Variants in HERC4 observed in about 807,000 individuals in gnomAD.
The protein encoded by HERC4 is HECT and RLD domain containing E3 ubiquitin protein ligase 4.
A neutral mutation model predicts 124.3 loss-of-function variants in HERC4; 28 were observed. That is an observed-to-expected ratio of 0.23 (90% CI 0.17 to 0.31). The LOEUF (loss-of-function observed/expected upper bound fraction) is 0.31. Ranked by LOEUF, HERC4 falls within the 10% of genes least tolerant of loss-of-function variation. The pLI, the probability that HERC4 is intolerant of heterozygous loss-of-function variation, is 1.00. For synonymous variants in HERC4, 407 were observed against 421.5 expected, an observed-to-expected ratio of 0.97 and a Z score of 0.42; for missense variants, 713 against 1,229.3, an observed-to-expected ratio of 0.58 and a Z score of 6.28.
At chr10:67,953,753 A>T (rs1157627839) in intron 19 of HERC4, among the ~76,000 whole-genome samples, 1 of 152,224 alleles carries the variant, frequency 6.6e-6, no homozygotes, top group Non-Finnish European at 1.5e-5. Context: ...ATCCTTTCCT[A>T]TGAATTGCAC....
At chr10:68,066,798 G>A (rs1162353060) in intron 3 of HERC4, among the ~76,000 whole-genome samples, 2 of 152,110 alleles carry the variant, frequency 1.3e-5, no homozygotes, top group African/African-American at 2.4e-5. Flanking sequence ...GTTTCTGTTC[G>A]TTTGTTCAAA....
chr10:68,033,851 C>T lies in HERC4; in HGVS notation c.685+114G>A, dbSNP rs1035759315. ...GGAATTTTTAAATAACATCTCATCC[C>T]CACCTCTATACCAGGGAAGATACAT... is the stretch of plus-strand genomic sequence containing the variant. On this transcript the variant is annotated intron_variant, in intron 6 of 24. Transcript: ENST00000373700. The T allele has an allele frequency of 2.5e-5, 20 of 786,824 alleles. No homozygotes were observed. In the African/African-American group the frequency reaches 2.6e-4, roughly 10 times the overall value. 48.7% of individuals were successfully genotyped at this position (786,824 alleles called of 1,614,324 possible). A position where few individuals can be genotyped will look rare whatever the true frequency, so the allele number is the denominator to read the frequency against.
chr10:67,960,686 A>G, intron 16 of HERC4: 1 of 163,790 alleles, frequency 6.1e-6, no homozygotes, highest in Non-Finnish European at 1.3e-5. Context: ...CCCAGCCAAA[A>G]GCGTAAATTT....
intron 24 of HERC4, 100 bp downstream of exon 24, chr10:67,924,985 T>C: frequency 1.5e-6 from 1 of 657,438 alleles, no homozygotes; most frequent in Non-Finnish European, 2.6e-6. Context: ...CAGATAGTTC[T>C]GTTTCAAAAA....
intron 15 of HERC4, among the ~76,000 whole-genome samples, chr10:67,979,489 T>C (rs926419743): frequency 1.3e-5 from 2 of 151,994 alleles, no homozygotes; most frequent in South Asian, 2.1e-4. Flanking sequence ...AAATCTAAGT[T>C]ACTGGCCTTA....
intron 13 of HERC4, 127 bp from the exon 14 acceptor site, chr10:67,990,527 T>C (rs531425239): frequency 1.9e-6 from 1 of 521,296 alleles, no homozygotes; most frequent in South Asian, 3.6e-5. Flanking sequence ...AAATATGAAA[T>C]GGTGAAGAAG....
At chr10:68,006,375 G>GTTTTT in intron 9 of HERC4, among the ~76,000 whole-genome samples, 1 of 134,030 alleles carries the variant, frequency 7.5e-6, no homozygotes, top group African/African-American at 2.7e-5. Context: ...TTTTGTTTTT[G>GTTTTT]TTTTTTTTTT....
intron 3 of HERC4, among the ~76,000 whole-genome samples, 157 bp downstream of exon 3, chr10:68,072,726 C>T (rs538694807): frequency 1.3e-5 from 2 of 152,018 alleles, no homozygotes; most frequent in South Asian, 4.2e-4. Flanking sequence ...GTACTTAGAA[C>T]CATACAAATA....
At chr10:67,992,131 A>T in intron 11 of HERC4, 68 bp downstream of exon 11, 1 of 1,484,610 alleles carries the variant, frequency 6.7e-7, no homozygotes, top group Non-Finnish European at 9.2e-7. Context: ...TCCTGGGCTC[A>T]GGCAATCTGC....
At position 67,955,540 on chromosome 10, in the gene HERC4, T is replaced by G. The variant is rs60008145; in HGVS notation, c.2026-410A>C. 3,260 of 154,362 alleles carry G rather than the reference T, an allele frequency of 0.021. 316 individuals carry two copies. The East Asian group carries it at 0.31, about 15-fold the overall frequency. The allele number at this position is 154,362 out of a possible 1,614,324, so 9.6% of individuals were successfully genotyped here. A position where few individuals can be genotyped will look rare whatever the true frequency, so the allele number is the denominator to read the frequency against. The stretch of plus-strand genomic sequence containing the variant: ...TAATCCCAGCACTTCGGGAGGCCAA[T>G]GAGGGCAGATTACTTGAGGTCAGGA... On this transcript the variant is annotated intron_variant, in intron 17 of 24. Coordinates refer to ENST00000373700, the MANE Select transcript of HERC4 (RefSeq NM_015601.4).
intron 9 of HERC4, among the ~76,000 whole-genome samples, chr10:68,006,156 A>G (rs886558968): frequency 1.3e-5 from 2 of 152,068 alleles, no homozygotes; most frequent in Non-Finnish European, 2.9e-5. Flanking sequence ...TGCTGTAGTT[A>G]TTATTATCTT....
chr10:68,070,750 T>C (rs2041533588), intron 3 of HERC4, among the ~76,000 whole-genome samples: 1 of 152,150 alleles, frequency 6.6e-6, no homozygotes, highest in Non-Finnish European at 1.5e-5. Context: ...CTTCAATATA[T>C]CATCGAACCA....
chr10:68,020,470 T>TA (rs955792853), intron 8 of HERC4, among the ~76,000 whole-genome samples: 1 of 148,332 alleles, frequency 6.7e-6, no homozygotes, highest in African/African-American at 2.5e-5. Context: ...AAAGAAAAAC[T>TA]AAAAAAAAAG....
chr10:67,931,078 C>G (rs1167071818), intron 23 of HERC4, among the ~76,000 whole-genome samples: 1 of 152,010 alleles, frequency 6.6e-6, no homozygotes, highest in Admixed American at 6.6e-5. Flanking sequence ...CTCCGCTTCC[C>G]GGGTTCAAGC....
chr10:67,966,486 T>G, intron 16 of HERC4, 197 bp downstream of exon 16: 3 of 458,738 alleles, frequency 6.5e-6, no homozygotes, highest in Non-Finnish European at 1.1e-5. Flanking sequence ...TGGTTTGGCT[T>G]TGGTAAAAGA....
At chr10:68,037,900 G>GT (rs1269607067) in intron 5 of HERC4, among the ~76,000 whole-genome samples, 193 bp downstream of exon 5, 2 of 151,872 alleles carry the variant, frequency 1.3e-5, no homozygotes, top group Non-Finnish European at 2.9e-5. Flanking sequence ...TCCTAGCAGT[G>GT]TGTGTGTGTG....
Position 67,940,834 on chromosome 10 carries a change from CAAG to C in HERC4, c.2504+102_2504+104del, listed in dbSNP as rs906053777. 2.3e-5 allele frequency: 23 copies of C among 995,680 alleles called. No individual in the cohort carries two copies. In the African/African-American group the frequency reaches 2.7e-4, roughly 12 times the overall value. The allele number at this position is 995,680 out of a possible 1,614,324, so 61.7% of individuals were successfully genotyped here. On this transcript the variant is annotated intron_variant, in intron 20 of 24. Transcript: ENST00000373700. ...GCATTTGTTTACTTCAGAAATTTAA[CAAG>C]AAGAACAAAATATATTTTTTCATAG...
chr10:67,964,149 TG>T lies in HERC4; in HGVS notation c.1926+2533del, dbSNP rs1347525125. Among the ~76,000 whole-genome samples the T allele has an allele frequency of 4.1e-5, 6 of 145,602 alleles. No homozygotes were observed. In the East Asian group the frequency reaches 1.2e-3, roughly 29 times the overall value. On this transcript the variant is annotated intron_variant, in intron 16 of 24. Transcript: ENST00000373700. ...CAGAACTTCGTCAAAGTATTGCCAA[TG>T]GTTGTTACTGCTTCCTTACCTCTAA...
At chr10:67,997,983 C>T (rs1352527061) in intron 9 of HERC4, among the ~76,000 whole-genome samples, 1 of 152,048 alleles carries the variant, frequency 6.6e-6, no homozygotes, top group Non-Finnish European at 1.5e-5. Context: ...CTCACTGCAA[C>T]CGCCTCCCGG....
Sources: gnomAD v4.1 joint callset for allele counts (sites outside exome capture counted in the v4.1 genomes callset) on GRCh38, gnomAD v4.1.1 for gene constraint, MANE v1.5 for transcripts, NCBI Gene and HGNC (gene_info 2026-07-23, HGNC 2026-07-21) for gene names.